The following ELOVL6 variants were observed in gnomAD, a reference collection of about 807,000 sequenced individuals.
ELOVL6 encodes the protein ELOVL fatty acid elongase 6.
ELOVL6 carries 8 observed loss-of-function variants against 31.7 expected under a neutral mutation model. The observed-to-expected ratio is 0.25, with a 90% CI of 0.15 to 0.45. ELOVL6 has a LOEUF of 0.45. ELOVL6 is among the 20% of genes least tolerant of loss of function. The probability of loss-of-function intolerance (pLI) is 1.00; values close to 1 mark genes in which losing one functional copy is unlikely to be tolerated. For synonymous variants in ELOVL6, 101 were observed against 117.7 expected (o/e 0.86, Z 0.92); for missense variants, 126 against 326.4 (o/e 0.39, Z 4.73).
intron 2 of ELOVL6, among the ~76,000 whole-genome samples, chr4:110,062,773 ATAGAT>A (rs1189446101): frequency 6.6e-6 from 1 of 152,244 alleles, no homozygotes; most frequent in Non-Finnish European, 1.5e-5. Context: ...GCCACTGTCA[ATAGAT>A]TAGAGTTGCA....
At chr4:110,159,240 A>G (rs1215430946) in intron 1 of ELOVL6, among the ~76,000 whole-genome samples, 2 of 152,148 alleles carry the variant, frequency 1.3e-5, no homozygotes, top group African/African-American at 4.8e-5. Context: ...AGTGCCTTCC[A>G]TGTGCCCAGA....
chr4:110,117,903 A>AAAAAAAAAAATATATATATATATATATAT, intron 1 of ELOVL6: 1 of 6,504 alleles, frequency 1.5e-4, no homozygotes, highest in Non-Finnish European at 3.7e-4. Flanking sequence ...AAAAAAAAAA[A>AAAAAAAAAAATATATATATATATATATAT]ATATATATAT....
chr4:110,052,509 C>T (rs4141123), intron 3 of ELOVL6, among the ~76,000 whole-genome samples: 76,240 of 152,094 alleles, frequency 0.5, 22,459 homozygotes, highest in African/African-American at 0.8. Flanking sequence ...TTTCATTTTA[C>T]AGAATTAACT....
intron 2 of ELOVL6, among the ~76,000 whole-genome samples, chr4:110,101,627 A>C (rs1488932775): frequency 6.6e-6 from 1 of 152,210 alleles, no homozygotes; most frequent in Non-Finnish European, 1.5e-5. Flanking sequence ...AGTCCACACC[A>C]ACCAACCTGT....
rs559197964 is a variant in ELOVL6 at position 110,057,836 on chromosome 4, G to GT, written c.373+1766dup. 3.2e-4 allele frequency among the ~76,000 whole-genome samples: 42 copies of GT among 130,144 alleles called. 1 individual carries two copies. The East Asian group carries it at 6.9e-3, about 21-fold the overall frequency. 85.4% of individuals were successfully genotyped at this position (130,144 alleles called of 152,430 possible). On this transcript the variant is annotated intron_variant, in intron 3 of 3. Transcript: ENST00000302274. ...ACTGCACTCCAGCCTCGGCAACAGA[G>GT]TAAGACTCTGTCTCAGGGAAAAAAA... is the stretch of plus-strand genomic sequence containing the variant.
At chr4:110,082,781 C>T (rs963594603) in intron 2 of ELOVL6, among the ~76,000 whole-genome samples, 1 of 152,202 alleles carries the variant, frequency 6.6e-6, no homozygotes, top group Non-Finnish European at 1.5e-5. Flanking sequence ...CAACATACTT[C>T]TCAGGGTGCT....
intron 2 of ELOVL6, among the ~76,000 whole-genome samples, chr4:110,072,939 T>G (rs1192842204): frequency 1.3e-5 from 2 of 152,148 alleles, no homozygotes; most frequent in African/African-American, 4.8e-5. Context: ...AATCACGAAA[T>G]GATTTTGAAA....
chr4:110,114,077 T>C (rs80343897), intron 1 of ELOVL6, among the ~76,000 whole-genome samples: 11,981 of 152,076 alleles, frequency 0.079, 586 homozygotes, highest in East Asian at 0.19. Context: ...ATAACAAGAC[T>C]CCATCCCTTG....
chr4:110,083,116 G>T (rs1189486148), intron 2 of ELOVL6, among the ~76,000 whole-genome samples: 5 of 151,596 alleles, frequency 3.3e-5, no homozygotes. Context: ...TACATACTAG[G>T]TTCTTCATAT....
Position 110,198,362 on chromosome 4 carries a change from T to G in ELOVL6, c.-27A>C, listed in dbSNP as rs757680407. 2 of 1,344,548 alleles carry G rather than the reference T, an allele frequency of 1.5e-6. No individual in the cohort carries two copies. Among genetic ancestry groups the G allele is most frequent in the Non-Finnish European group, 2.1e-6 (2 of 939,042 alleles). The allele number at this position is 1,344,548 out of a possible 1,614,324, so 83.3% of individuals were successfully genotyped here. ...GGGGCTGATCTTCGGAGTCGCTACG[T>G]GTTCTCTATACAAAATAAAATAATC... is the stretch of plus-strand genomic sequence containing the variant. On this transcript the variant is annotated 5_prime_UTR_variant, in exon 1 of 4. Transcript: ENST00000302274.
chr4:110,098,122 G>A (rs562250824), intron 2 of ELOVL6, among the ~76,000 whole-genome samples: 18 of 152,082 alleles, frequency 1.2e-4, no homozygotes, highest in Admixed American at 3.9e-4. Flanking sequence ...TTCAAGAGTT[G>A]AACACGGACA....
chr4:110,092,328 A>C (rs1459018769), intron 2 of ELOVL6, among the ~76,000 whole-genome samples: 2 of 152,242 alleles, frequency 1.3e-5, no homozygotes, highest in Non-Finnish European at 2.9e-5. Context: ...AAGAACTGTC[A>C]ATGCTTTCAA....
At chr4:110,138,909 T>C (rs1465342270) in intron 1 of ELOVL6, among the ~76,000 whole-genome samples, 1 of 152,198 alleles carries the variant, frequency 6.6e-6, no homozygotes, top group Non-Finnish European at 1.5e-5. Context: ...CAGTATTCTA[T>C]CTTTTCAATG....
intron 2 of ELOVL6, among the ~76,000 whole-genome samples, chr4:110,101,831 T>C (rs1371156487): frequency 2.6e-5 from 4 of 152,108 alleles, no homozygotes; most frequent in Admixed American, 1.3e-4. Flanking sequence ...CGTGACACCA[T>C]GCCTGGCTAA....
intron 1 of ELOVL6, among the ~76,000 whole-genome samples, chr4:110,190,690 A>G (rs1759588487): frequency 6.6e-6 from 1 of 152,068 alleles, no homozygotes; most frequent in Non-Finnish European, 1.5e-5. Context: ...GTTTTAGTAG[A>G]AATAGGGTTT....
chr4:110,058,476 T>C (rs1185844452), intron 3 of ELOVL6, among the ~76,000 whole-genome samples: 1 of 152,192 alleles, frequency 6.6e-6, no homozygotes, highest in East Asian at 1.9e-4. Context: ...ACAGCAGGTT[T>C]CTGGCTTCCA....
At chr4:110,103,758 T>C (rs1278909541) in intron 2 of ELOVL6, among the ~76,000 whole-genome samples, 2 of 148,902 alleles carry the variant, frequency 1.3e-5, no homozygotes, top group African/African-American at 2.5e-5. Context: ...AGGAAATCTA[T>C]AAGCCAAAAG....
At chr4:110,114,478 G>T (rs1048981424) in intron 1 of ELOVL6, among the ~76,000 whole-genome samples, 5 of 151,948 alleles carry the variant, frequency 3.3e-5, no homozygotes, top group Admixed American at 3.3e-4. Flanking sequence ...AAACTTCCTG[G>T]CTGATGGTCC....
chr4:110,101,595 A>T (rs1756743512), intron 2 of ELOVL6, among the ~76,000 whole-genome samples: 1 of 152,082 alleles, frequency 6.6e-6, no homozygotes, highest in Non-Finnish European at 1.5e-5. Flanking sequence ...CACATCACAA[A>T]TTTTTTTTCT....
Sources: gnomAD v4.1 joint callset for allele counts (sites outside exome capture counted in the v4.1 genomes callset) on GRCh38, gnomAD v4.1.1 for gene constraint, MANE v1.5 for transcripts, NCBI Gene and HGNC (gene_info 2026-07-23, HGNC 2026-07-21) for gene names.